SYT9: variants seen among roughly 807,000 people sequenced by gnomAD.
The protein encoded by SYT9 is synaptotagmin 9.
Under a neutral mutation model 48.4 loss-of-function variants are expected in SYT9, and 22 were observed. The observed-to-expected ratio is 0.45, with a 90% CI of 0.32 to 0.65. The LOEUF (loss-of-function observed/expected upper bound fraction) is 0.65. SYT9 is among the 30% of genes least tolerant of loss of function. SYT9 has a pLI of 0.03. For missense variants in SYT9, 577 were observed against 622.0 expected (o/e 0.93, Z 0.77); for synonymous variants, 265 against 245.0 (o/e 1.08, Z -0.76).
At chr11:7,241,255 C>G (rs960583354) in intron 1 of SYT9, among the ~76,000 whole-genome samples, 1 of 151,146 alleles carries the variant, frequency 6.6e-6, no homozygotes, top group Non-Finnish European at 1.5e-5. Context: ...CTCACCCCCC[C>G]CACACACAGC....
At position 7,442,454 on chromosome 11, in the gene SYT9, G is replaced by A. The variant is rs551040473; in HGVS notation, c.1467+21819G>A. Among the ~76,000 whole-genome samples the A allele has an allele frequency of 3.9e-5, 6 of 152,320 alleles. No homozygotes were observed. In the East Asian group the frequency reaches 5.8e-4, roughly 15 times the overall value. On this transcript the variant is annotated intron_variant, in intron 6 of 6. Coordinates refer to ENST00000318881, the MANE Select transcript of SYT9 (RefSeq NM_175733.4). ...CCCTTCAGGCATGTTTGGAGTCCCAGAGAGCTCAGCACAGGACTCGTGCTG... is the reference window on the plus strand; with the variant it reads ...CCCTTCAGGCATGTTTGGAGTCCCAAAGAGCTCAGCACAGGACTCGTGCTG...
intron 6 of SYT9, among the ~76,000 whole-genome samples, chr11:7,431,235 G>T (rs979231399): frequency 6.6e-6 from 1 of 152,182 alleles, no homozygotes; most frequent in Admixed American, 6.5e-5. Flanking sequence ...GAACTCGGTT[G>T]TATTGTGTCC....
At chr11:7,417,850 T>C in intron 4 of SYT9, 107 bp from the exon 5 acceptor site, 1 of 1,142,022 alleles carries the variant, frequency 8.8e-7, no homozygotes. Flanking sequence ...CACAGGCAGG[T>C]AAAGGAGTTC....
chr11:7,299,612 C>T (rs1564852460), intron 1 of SYT9, among the ~76,000 whole-genome samples: 1 of 152,192 alleles, frequency 6.6e-6, no homozygotes, highest in Non-Finnish European at 1.5e-5. Context: ...ACCCGCACAA[C>T]CATAATTCAA....
At chr11:7,382,171 T>C (rs991264716) in intron 3 of SYT9, among the ~76,000 whole-genome samples, 1 of 152,206 alleles carries the variant, frequency 6.6e-6, no homozygotes, top group African/African-American at 2.4e-5. Flanking sequence ...CCTATGATAT[T>C]AGCTTGTCAT....
At chr11:7,286,675 C>T (rs758248524) in intron 1 of SYT9, among the ~76,000 whole-genome samples, 21 of 152,214 alleles carry the variant, frequency 1.4e-4, no homozygotes, top group Non-Finnish European at 2.9e-4. Context: ...CACTTCGCCA[C>T]TTAGATGTTT....
chr11:7,450,183 C>A (rs1035791813), intron 6 of SYT9, among the ~76,000 whole-genome samples: 2 of 152,230 alleles, frequency 1.3e-5, no homozygotes, highest in African/African-American at 4.8e-5. Context: ...ATTTATCCAA[C>A]ATCATGAGGC....
intron 3 of SYT9, among the ~76,000 whole-genome samples, chr11:7,377,853 G>C (rs906137815): frequency 6.6e-6 from 1 of 152,142 alleles, no homozygotes; most frequent in Non-Finnish European, 1.5e-5. Context: ...CCTGGTTGGG[G>C]CATGGCTTCA....
chr11:7,454,476 A>T (rs894387140), intron 6 of SYT9, among the ~76,000 whole-genome samples: 1 of 152,200 alleles, frequency 6.6e-6, no homozygotes, highest in African/African-American at 2.4e-5. Context: ...CAAAGCATGC[A>T]AATGCCAGAC....
rs117143046 is a variant in SYT9 at position 7,261,288 on chromosome 11, G to A, written c.145+8957G>A. The stretch of plus-strand genomic sequence containing the variant: ...CTGCAGAACCATTAAAAGAGTTTAC[G>A]CTGAAAATTCAGGTGAGTTTTATCC... On this transcript the variant is annotated intron_variant, in intron 1 of 6. Coordinates refer to ENST00000318881, the MANE Select transcript of SYT9 (RefSeq NM_175733.4). 9.3e-3 allele frequency among the ~76,000 whole-genome samples: 1,418 copies of A among 152,274 alleles called. 5 individuals carry two copies. The highest frequency in any genetic ancestry group is 0.015 in the Non-Finnish European group (1,047 of 68,020).
At chr11:7,263,404 G>T (rs890884547) in intron 1 of SYT9, among the ~76,000 whole-genome samples, 2 of 152,136 alleles carry the variant, frequency 1.3e-5, no homozygotes, top group African/African-American at 2.4e-5. Context: ...TTCCCCAAAG[G>T]CCCCAACTCT....
chr11:7,312,683 A>G (rs1849162386), intron 2 of SYT9, among the ~76,000 whole-genome samples: 1 of 152,216 alleles, frequency 6.6e-6, no homozygotes, highest in Admixed American at 6.5e-5. Context: ...ACATGCATTT[A>G]TAGTAGCTCA....
chr11:7,395,620 G>A (rs2058202777), intron 3 of SYT9, among the ~76,000 whole-genome samples: 1 of 151,890 alleles, frequency 6.6e-6, no homozygotes, highest in African/African-American at 2.4e-5. Flanking sequence ...TTTTATTATT[G>A]TTGGTTTAAT....
chr11:7,395,910 A>G (rs973975260), intron 3 of SYT9, among the ~76,000 whole-genome samples: 1 of 152,036 alleles, frequency 6.6e-6, no homozygotes, highest in Non-Finnish European at 1.5e-5. Flanking sequence ...GTCTGATTGC[A>G]TAGTTGCTTT....
intron 3 of SYT9, among the ~76,000 whole-genome samples, chr11:7,352,229 GAAGA>G (rs1374880406): frequency 6.6e-6 from 1 of 152,164 alleles, no homozygotes; most frequent in Non-Finnish European, 1.5e-5. Flanking sequence ...TTTCCTTCTT[GAAGA>G]AGCATAAACT....
chr11:7,315,212 G>T (rs539590009), intron 3 of SYT9, among the ~76,000 whole-genome samples: 3 of 152,346 alleles, frequency 2.0e-5, no homozygotes, highest in African/African-American at 7.2e-5. Context: ...GGATACTGGG[G>T]AAGGAATAGG....
At chr11:7,336,695 T>C (rs1307662725) in intron 3 of SYT9, among the ~76,000 whole-genome samples, 2 of 152,148 alleles carry the variant, frequency 1.3e-5, no homozygotes, top group Non-Finnish European at 1.5e-5. Flanking sequence ...ATTCCACAGG[T>C]CTATGCATCT....
intron 3 of SYT9, among the ~76,000 whole-genome samples, chr11:7,343,134 G>T (rs1030001769): frequency 6.6e-6 from 1 of 152,182 alleles, no homozygotes; most frequent in Non-Finnish European, 1.5e-5. Flanking sequence ...TGCTGCAAGG[G>T]TCTCTGACAT....
At chr11:7,392,147 T>C (rs1846634149) in intron 3 of SYT9, among the ~76,000 whole-genome samples, 1 of 152,180 alleles carries the variant, frequency 6.6e-6, no homozygotes, top group South Asian at 2.1e-4. Context: ...TTTCTTGCAA[T>C]TGCTTTTGAG....
Sources: gnomAD v4.1 joint callset for allele counts (sites outside exome capture counted in the v4.1 genomes callset) on GRCh38, gnomAD v4.1.1 for gene constraint, MANE v1.5 for transcripts, NCBI Gene and HGNC (gene_info 2026-07-23, HGNC 2026-07-21) for gene names.